Variants in FRK observed in about 807,000 individuals in gnomAD.
The protein encoded by FRK is tyrosine-protein kinase FRK.
Under a neutral mutation model 56.4 loss-of-function variants are expected in FRK, and 51 were observed. That is an observed-to-expected ratio of 0.90 (90% CI 0.72 to 1.14). The LOEUF (loss-of-function observed/expected upper bound fraction) is 1.14, where lower values mean the gene tolerates loss of function less well. Among genes scored for constraint, FRK ranks in the 50% most tolerant of loss-of-function variants. The pLI is 0.00. For synonymous variants in FRK, 245 were observed against 217.9 expected (o/e 1.12, Z -1.10); for missense variants, 570 against 601.4 (o/e 0.95, Z 0.55).
intron 2 of FRK, among the ~76,000 whole-genome samples, chr6:115,971,696 C>T (rs1211331654): frequency 6.6e-6 from 1 of 152,178 alleles, no homozygotes; most frequent in Non-Finnish European, 1.5e-5. Flanking sequence ...TCAATTCAAG[C>T]CTAGATGCCC....
At chr6:116,021,395 T>C (rs534734817) in intron 1 of FRK, among the ~76,000 whole-genome samples, 50 of 152,278 alleles carry the variant, frequency 3.3e-4, no homozygotes, top group South Asian at 1.2e-3. Flanking sequence ...ATGATCAATA[T>C]GTCAAATGGT....
chr6:116,095,946 T>C, the FRK span, among the ~76,000 whole-genome samples: 1 of 152,202 alleles, frequency 6.6e-6, no homozygotes, highest in African/African-American at 2.4e-5. Flanking sequence ...CCTTTCAAAC[T>C]CTTATACCAA....
chr6:116,061,767 C>T (rs1777631867), upstream of FRK, among the ~76,000 whole-genome samples: 1 of 152,080 alleles, frequency 6.6e-6, no homozygotes, highest in South Asian at 2.1e-4. Context: ...TGAAGTGTCA[C>T]TGATCTCTCT....
the FRK span, among the ~76,000 whole-genome samples, chr6:116,082,453 T>C: frequency 6.6e-6 from 1 of 151,998 alleles, no homozygotes; most frequent in Admixed American, 6.6e-5. Context: ...AGGCTGGAAA[T>C]GGTGGTGACT....
chr6:116,088,602 G>A, the FRK span, among the ~76,000 whole-genome samples: 1 of 152,180 alleles, frequency 6.6e-6, no homozygotes, highest in East Asian at 1.9e-4. Context: ...AAAATATTTA[G>A]CACCTTGCTA....
chr6:116,025,887 T>C (rs996816793), intron 1 of FRK, among the ~76,000 whole-genome samples: 9 of 152,166 alleles, frequency 5.9e-5, no homozygotes, highest in African/African-American at 2.2e-4. Context: ...ATATTCCATA[T>C]GTTGCATGGC....
At chr6:116,091,012 T>C in the FRK span, among the ~76,000 whole-genome samples, 1 of 152,214 alleles carries the variant, frequency 6.6e-6, no homozygotes, top group Non-Finnish European at 1.5e-5. Context: ...CCACTTAATA[T>C]CTATCCAAGA....
At chr6:116,065,830 T>A (rs1298654059), upstream of FRK, among the ~76,000 whole-genome samples, 2 of 152,216 alleles carry the variant, frequency 1.3e-5, no homozygotes, top group African/African-American at 4.8e-5. Flanking sequence ...TTGAGTGAAA[T>A]CTAATGAATG....
intron 5 of FRK, 67 bp downstream of exon 5, chr6:115,956,385 A>G (rs1772991208): frequency 4.0e-6 from 5 of 1,237,404 alleles, no homozygotes; most frequent in Admixed American, 5.6e-5. Flanking sequence ...GGCTTGCTAA[A>G]TTGACACTTA....
At position 115,935,349 on chromosome 6, in the gene FRK, T is replaced by G. The variant is rs547006; in HGVS notation, c.*7065A>C. The stretch of plus-strand genomic sequence containing the variant: ...CACTTTTCCCATGGTCTTTGAAACC[T>G]GCAGACCAGGAGATTCCCTCCGGTG... On this transcript the variant is annotated 3_prime_UTR_variant, in exon 8 of 8. Coordinates refer to ENST00000606080, the MANE Select transcript of FRK (RefSeq NM_002031.3). The G allele has an allele frequency of 2.6e-5, 4 of 152,494 alleles. No homozygotes were observed. Among genetic ancestry groups the G allele is most frequent in the Non-Finnish European group, 4.4e-5 (3 of 68,266 alleles). The allele number at this position is 152,494 out of a possible 1,614,324, so 9.4% of individuals were successfully genotyped here.
intron 1 of FRK, among the ~76,000 whole-genome samples, chr6:116,019,439 A>G (rs1478904782): frequency 6.6e-6 from 1 of 152,226 alleles, no homozygotes; most frequent in East Asian, 1.9e-4. Flanking sequence ...GTCCACTTTT[A>G]CCAGTAATGA....
At chr6:116,091,492 G>A in the FRK span, among the ~76,000 whole-genome samples, 4 of 152,228 alleles carry the variant, frequency 2.6e-5, no homozygotes, top group South Asian at 2.1e-4. Context: ...CACTCACCGC[G>A]AAGGTCCGAG....
intron 6 of FRK, 107 bp downstream of exon 6, chr6:115,944,137 G>T: frequency 1.1e-6 from 1 of 903,894 alleles, no homozygotes. Flanking sequence ...ATGGACTACA[G>T]AACTTGGAGA....
the FRK span, among the ~76,000 whole-genome samples, chr6:116,088,125 C>G: frequency 6.6e-5 from 10 of 152,198 alleles, no homozygotes; most frequent in African/African-American, 2.4e-4. Flanking sequence ...TTGCCTACAA[C>G]AGTGATCTTG....
intron 5 of FRK, among the ~76,000 whole-genome samples, chr6:115,953,593 A>G (rs573317686): frequency 2.0e-4 from 31 of 152,206 alleles, no homozygotes; most frequent in Non-Finnish European, 3.5e-4. Flanking sequence ...ATCCTCACAA[A>G]TGAAGGCACC....
Position 115,942,619 on chromosome 6 carries a change from G to T in FRK, c.1313C>A (p.Thr438Lys), listed in dbSNP as rs1411119447. ...TYGKMPYSGM[T>K]GAQVIQMLAQ... ...CAACATCTGGATTACCTGGGCACCT[G>T]TCATACCTTGAAAATACAGAACGAA... Residue 438 changes from threonine (T) to lysine (K), a missense_variant, in exon 8 of 8, where the codon ACA (threonine) becomes AAA (lysine). Transcript: ENST00000606080. The T allele has an allele frequency of 1.2e-6, 2 of 1,612,534 alleles. No individual in the cohort carries two copies.
chr6:115,936,493 G>A lies in FRK; in HGVS notation c.*5921C>T, dbSNP rs185895465. 1.0e-3 allele frequency: 152 copies of A among 150,556 alleles called. No individual in the cohort carries two copies. The highest frequency in any genetic ancestry group is 3.7e-3 in the African/African-American group (148 of 39,918). 9.3% of individuals were successfully genotyped at this position (150,556 alleles called of 1,614,324 possible). A position where few individuals can be genotyped will look rare whatever the true frequency, so the allele number is the denominator to read the frequency against. ...GAATGAGTTTGACGGATGGATAGAAGTAGGCCTCAGAAGGTGGGTAATAAC... is the reference window on the plus strand; with the variant it reads ...GAATGAGTTTGACGGATGGATAGAAATAGGCCTCAGAAGGTGGGTAATAAC... On this transcript the variant is annotated 3_prime_UTR_variant, in exon 8 of 8. Coordinates refer to ENST00000606080, the MANE Select transcript of FRK (RefSeq NM_002031.3).
At chr6:115,948,598 T>G (rs1168995777) in intron 5 of FRK, among the ~76,000 whole-genome samples, 2 of 152,220 alleles carry the variant, frequency 1.3e-5, no homozygotes, top group Non-Finnish European at 2.9e-5. Flanking sequence ...CCTAGCAATC[T>G]CACCCACTTT....
Position 116,060,202 on chromosome 6 carries a change from G to A in FRK, c.110C>T (p.Ser37Phe), listed in dbSNP as rs768389274. 4 of 1,614,164 alleles carry A rather than the reference G, an allele frequency of 2.5e-6. No homozygotes were observed. The highest frequency in any genetic ancestry group is 3.4e-6 in the Non-Finnish European group (4 of 1,180,040). The stretch of plus-strand genomic sequence containing the variant: ...GTGGCCATGCCTCTGTGACTGGGGA[G>A]AGCAAAGGGCCCCTGGATTTTCAAT... The part of the protein sequence containing the change: ...TVIENPGALC[S>F]PQSQRHGHYF... The change falls in exon 1 of 8, where the codon TCT becomes TTT. Residue 37 changes from serine (S) to phenylalanine (F), a missense_variant. Coordinates refer to ENST00000606080, the MANE Select transcript of FRK (RefSeq NM_002031.3).
Sources: gnomAD v4.1 joint callset for allele counts (sites outside exome capture counted in the v4.1 genomes callset) on GRCh38, gnomAD v4.1.1 for gene constraint, MANE v1.5 for transcripts, NCBI Gene and HGNC (gene_info 2026-07-23, HGNC 2026-07-21) for gene names.